MSANTD7: variants seen among roughly 807,000 people sequenced by gnomAD.
MSANTD7 encodes zinc finger and SCAN domain containing 29.
At chr10:14,844,212 C>T in the MSANTD7 span, 10 of 1,122,992 alleles carry the variant, frequency 8.9e-6, no homozygotes, top group South Asian at 1.2e-4. Context: ...AAATGGGGAT[C>T]AATAATAACT....
At chr10:14,844,098 A>T in the MSANTD7 span, 2 of 1,398,346 alleles carry the variant, frequency 1.4e-6, no homozygotes, top group Non-Finnish European at 1.9e-6. Context: ...GCCAGGGGTG[A>T]CCTAATAGAA....
the MSANTD7 span, chr10:14,842,453 C>T: frequency 2.1e-5 from 33 of 1,536,022 alleles, no homozygotes; most frequent in African/African-American, 5.5e-5. This position sits in a 1 kb window ranked among gnomAD's most constrained non-coding sequence, Gnocchi z 5.2. Context: ...GGGCTTCCGC[C>T]GCACCGAACG....
At chr10:14,842,000 A>C in the MSANTD7 span, 1 of 568,192 alleles carries the variant, frequency 1.8e-6, no homozygotes, top group East Asian at 4.0e-5. Context: ...CCCTGGGTGA[A>C]CTCCCAAAGT....
chr10:14,838,437 C>T, the MSANTD7 span: 1 of 1,606,500 alleles, frequency 6.2e-7, no homozygotes, highest in Non-Finnish European at 8.5e-7. Flanking sequence ...GGCTGCACCT[C>T]AGCCTGTGTG....
the MSANTD7 span, chr10:14,840,009 C>T: frequency 6.4e-7 from 1 of 1,556,688 alleles, no homozygotes; most frequent in South Asian, 1.2e-5. Context: ...CATTTTTGTA[C>T]TTCTGAAATA....
the MSANTD7 span, chr10:14,845,181 G>A: frequency 1.0e-6 from 1 of 985,444 alleles, no homozygotes; most frequent in African/African-American, 1.7e-5. Flanking sequence ...ATTTACTCTA[G>A]AAGGGAAGAC....
chr10:14,843,914 C>T, the MSANTD7 span: 2 of 1,535,412 alleles, frequency 1.3e-6, no homozygotes, highest in African/African-American at 2.7e-5. Flanking sequence ...ACAAAAGGCT[C>T]TGCTTCCTAA....
the MSANTD7 span, among the ~76,000 whole-genome samples, chr10:14,840,775 C>T: frequency 1.3e-5 from 2 of 152,220 alleles, no homozygotes; most frequent in Admixed American, 1.3e-4. Flanking sequence ...ATTTTCACTA[C>T]TGTAGTAATA....
chr10:14,844,326 C>T, the MSANTD7 span: 13 of 1,045,622 alleles, frequency 1.2e-5, no homozygotes, highest in Non-Finnish European at 1.4e-5. Context: ...GTTATTAATT[C>T]ATATGGCCTT....
the MSANTD7 span, chr10:14,843,300 C>T: frequency 3.3e-6 from 5 of 1,533,174 alleles, no homozygotes; most frequent in Non-Finnish European, 3.5e-6. Flanking sequence ...TTTGTCTCAG[C>T]TCTGCTGCTG....
the MSANTD7 span, among the ~76,000 whole-genome samples, chr10:14,838,733 C>T: frequency 6.6e-6 from 1 of 152,130 alleles, no homozygotes; most frequent in East Asian, 1.9e-4. Context: ...GGAGGGGTCC[C>T]AGGGACGACG....
chr10:14,846,644 C>T, the MSANTD7 span: 1 of 945,124 alleles, frequency 1.1e-6, no homozygotes, highest in Non-Finnish European at 1.3e-6. Context: ...AAGTGGGAAA[C>T]TCATAATTGT....
At chr10:14,843,138 G>A in the MSANTD7 span, among the ~76,000 whole-genome samples, 1 of 152,164 alleles carries the variant, frequency 6.6e-6, no homozygotes, top group Admixed American at 6.5e-5. Flanking sequence ...GTCTAGAGTG[G>A]GTTGGATAGC....
the MSANTD7 span, chr10:14,842,404 AG>A: frequency 6.5e-7 from 1 of 1,536,194 alleles, no homozygotes; most frequent in Non-Finnish European, 8.7e-7. The surrounding 1 kb of genome is among the most constrained non-coding windows in gnomAD (Gnocchi z 5.2). Context: ...ATCACAATGC[AG>A]ATGTCTATCA....
the MSANTD7 span, chr10:14,842,792 C>T: frequency 6.0e-5 from 92 of 1,536,134 alleles, no homozygotes; most frequent in Admixed American, 8.4e-4. This position sits in a 1 kb window ranked among gnomAD's most constrained non-coding sequence, Gnocchi z 5.2. Flanking sequence ...AATCAGTGAC[C>T]GGATACGAGA....
the MSANTD7 span, chr10:14,845,031 T>C: frequency 2.9e-5 from 29 of 985,326 alleles, no homozygotes; most frequent in Non-Finnish European, 3.5e-5. Context: ...CTCTTTAACT[T>C]TGGGAACACT....
At chr10:14,845,114 T>G in the MSANTD7 span, 2 of 985,382 alleles carry the variant, frequency 2.0e-6, no homozygotes, top group Non-Finnish European at 2.4e-6. Context: ...CAGATGAGCC[T>G]CCTCCACACC....
the MSANTD7 span, among the ~76,000 whole-genome samples, chr10:14,839,571 CAA>C: frequency 3.6e-4 from 29 of 79,576 alleles, no homozygotes; most frequent in Admixed American, 4.3e-4. Flanking sequence ...ACTCCGTGTC[CAA>C]AAAAAAAAAA....
the MSANTD7 span, chr10:14,843,363 T>C: frequency 6.4e-7 from 1 of 1,550,730 alleles, no homozygotes; most frequent in Non-Finnish European, 8.7e-7. Flanking sequence ...TGTTGCTTTG[T>C]TTTTCAGGGT....
Sources: allele counts gnomAD v4.1 joint callset (sites outside exome capture counted in the v4.1 genomes callset), GRCh38; gene constraint gnomAD v4.1.1; non-coding constraint Gnocchi (gnomAD v3.1); transcripts MANE v1.5; gene names NCBI Gene and HGNC (gene_info 2026-07-23, HGNC 2026-07-21).